SGK1: variants seen among roughly 807,000 people sequenced by gnomAD.
SGK1 encodes the protein serine/threonine-protein kinase Sgk1.
Under a neutral mutation model 64.2 loss-of-function variants are expected in SGK1, and 26 were observed. That is an observed-to-expected ratio of 0.40 (90% CI 0.30 to 0.56). The LOEUF (loss-of-function observed/expected upper bound fraction) is 0.56. SGK1 is among the 20% of genes least tolerant of loss of function. The pLI is 0.38. For missense variants in SGK1, 519 were observed against 645.6 expected, an observed-to-expected ratio of 0.80 and a Z score of 2.12; for synonymous variants, 265 against 239.7, an observed-to-expected ratio of 1.11 and a Z score of -0.98.
At chr6:134,197,225 C>G (rs752498370) in intron 3 of SGK1, among the ~76,000 whole-genome samples, 2 of 152,008 alleles carry the variant, frequency 1.3e-5, no homozygotes, top group Non-Finnish European at 2.9e-5. Flanking sequence ...AAAATAAGAC[C>G]CTGTCTCAAA....
Position 134,172,698 on chromosome 6 carries a change from G to A in SGK1, c.911C>T (p.Ala304Val). The A allele has an allele frequency of 1.2e-6, 2 of 1,613,542 alleles. No homozygotes were observed. Among genetic ancestry groups the A allele is most frequent in the Non-Finnish European group, 1.7e-6 (2 of 1,179,478 alleles). Reference protein sequence around the residue: ...ARFYAAEIASALGYLHSLNIV... With the variant: ...ARFYAAEIASVLGYLHSLNIV... ...GTTCAGTGAATGCAGGTAGCCCAAG[G>A]CACTGGCTATTTCAGCAGCATAGAA... The change falls in exon 9 of 14, where the codon GCC becomes GTC. Residue 304 changes from alanine (A) to valine (V), a missense_variant. Coordinates refer to ENST00000367858, the MANE Select transcript of SGK1 (RefSeq NM_001143676.3).
chr6:134,207,338 G>T lies in SGK1; in HGVS notation c.361+18C>A, dbSNP rs769027171. The T allele has an allele frequency of 3.3e-6, 5 of 1,533,674 alleles. No homozygotes were observed. The East Asian group carries it at 1.1e-4, about 34-fold the overall frequency. On this transcript the variant is annotated intron_variant, in intron 3 of 13. Transcript: ENST00000367858. ...TCCTGTACATAACAGGAAACAGGTT[G>T]TATTTTTCCAATAATACCTGGATCA...
At chr6:134,274,383 G>T (rs1776988558) in intron 1 of SGK1, among the ~76,000 whole-genome samples, 1 of 152,132 alleles carries the variant, frequency 6.6e-6, no homozygotes, top group Admixed American at 6.6e-5. Flanking sequence ...AGTCAGGAAT[G>T]GATTAGAAAA....
Position 134,188,114 on chromosome 6 carries a change from GTTTGGTATCCACAGAATGGGTCA to G in SGK1, c.362-13551_362-13529del, listed in dbSNP as rs371309799. ...GCAAGAGTAGTTGGGGAAAGGGGCT[GTTTGGTATCCACAGAATGGGTCA>G]TCTTATCCACTTGATTGTTAAAATA... On this transcript the variant is annotated intron_variant, in intron 3 of 13. Transcript: ENST00000367858. Among the ~76,000 whole-genome samples, 1,133 of 152,296 alleles carry G rather than the reference GTTTGGTATCCACAGAATGGGTCA, an allele frequency of 7.4e-3. 12 individuals carry two copies. The highest frequency in any genetic ancestry group is 0.026 in the African/African-American group (1,075 of 41,552).
chr6:134,184,129 G>A (rs1775381987), intron 3 of SGK1, among the ~76,000 whole-genome samples: 1 of 151,976 alleles, frequency 6.6e-6, no homozygotes, highest in Admixed American at 6.6e-5. Context: ...TGTCTTTGCT[G>A]TGCCCTTCAC....
intron 2 of SGK1, among the ~76,000 whole-genome samples, chr6:134,223,200 C>G (rs1463524186): frequency 6.6e-6 from 1 of 151,368 alleles, no homozygotes; most frequent in African/African-American, 2.4e-5. Context: ...GAAACCTCAT[C>G]TCTACTGAAA....
rs1562234898 is a variant in SGK1, at chr6:134,170,172, T to C, written c.*96A>G. 2 of 1,064,452 alleles carry C rather than the reference T, an allele frequency of 1.9e-6. No individual in the cohort carries two copies. The highest frequency in any genetic ancestry group is 2.7e-6 in the Non-Finnish European group (2 of 730,078). 65.9% of individuals were successfully genotyped at this position (1,064,452 alleles called of 1,614,324 possible). A position where few individuals can be genotyped will look rare whatever the true frequency, so the allele number is the denominator to read the frequency against. On this transcript the variant is annotated 3_prime_UTR_variant, in exon 14 of 14. Coordinates refer to ENST00000367858, the MANE Select transcript of SGK1 (RefSeq NM_001143676.3). ...GCTTCCAGAGATGTGCAAATTCTCTTGTAAGATGTCCTGTCAGCTGGCGGC... is the reference window on the plus strand; with the variant it reads ...GCTTCCAGAGATGTGCAAATTCTCTCGTAAGATGTCCTGTCAGCTGGCGGC...
intron 1 of SGK1, among the ~76,000 whole-genome samples, chr6:134,278,702 G>T (rs559649459): frequency 6.6e-6 from 1 of 152,214 alleles, no homozygotes; most frequent in East Asian, 1.9e-4. Flanking sequence ...CTAACAAAAA[G>T]ATATCTATGA....
At chr6:134,287,610 A>G (rs1203490693) in intron 1 of SGK1, among the ~76,000 whole-genome samples, 1 of 151,490 alleles carries the variant, frequency 6.6e-6, no homozygotes, top group Non-Finnish European at 1.5e-5. Flanking sequence ...TAATATTTTA[A>G]TAAGACTACT....
chr6:134,173,483 G>A lies in SGK1; in HGVS notation c.597C>T (p.Ile199=), dbSNP rs1015971626. The A allele has an allele frequency of 7.4e-6, 12 of 1,611,350 alleles. No homozygotes were observed. Among genetic ancestry groups the A allele is most frequent in the South Asian group, 3.3e-5 (3 of 90,426 alleles). Reference sequence around the variant, plus strand: ...TTACCTTTCCAAAACTGCCCTTTCCGATCACTTTCAAGAAGTGAAAGTCAG... The same window carrying A: ...TTACCTTTCCAAAACTGCCCTTTCCAATCACTTTCAAGAAGTGAAAGTCAG... ...KPSDFHFLKV[I]GKGSFGKVLL... Residue 199 remains isoleucine, a synonymous_variant, in exon 6 of 14, where the codon ATC becomes ATT. Transcript: ENST00000367858.
intron 1 of SGK1, among the ~76,000 whole-genome samples, chr6:134,309,610 T>C (rs1777582478): frequency 6.6e-6 from 1 of 152,154 alleles, no homozygotes; most frequent in African/African-American, 2.4e-5. Flanking sequence ...TGGATCTCTA[T>C]AGAGACACTG....
chr6:134,209,967 G>A (rs369744327), intron 2 of SGK1, among the ~76,000 whole-genome samples: 100 of 152,270 alleles, frequency 6.6e-4, no homozygotes, highest in Middle Eastern at 3.4e-3. Context: ...ATGAGCCACC[G>A]TGCCAGGCCT....
intron 5 of SGK1, chr6:134,173,769 CTT>C: frequency 1.7e-6 from 1 of 587,012 alleles, no homozygotes; most frequent in Non-Finnish European, 2.9e-6. Context: ...CAGATAAAAC[CTT>C]TTTATGAAAT....
intron 1 of SGK1, among the ~76,000 whole-genome samples, chr6:134,278,991 C>G (rs1315286918): frequency 6.6e-6 from 1 of 152,172 alleles, no homozygotes; most frequent in East Asian, 1.9e-4. Context: ...AGGACAGCTA[C>G]ATTTAAATAA....
At chr6:134,264,739 C>T (rs1776825070) in intron 1 of SGK1, among the ~76,000 whole-genome samples, 1 of 152,008 alleles carries the variant, frequency 6.6e-6, no homozygotes, top group Non-Finnish European at 1.5e-5. Context: ...ACCTCCTAGG[C>T]TCAAGCGATC....
intron 2 of SGK1, among the ~76,000 whole-genome samples, chr6:134,226,457 G>A (rs557816696): frequency 1.2e-4 from 18 of 151,654 alleles, no homozygotes; most frequent in Admixed American, 2.6e-4. Flanking sequence ...CTAACACTTT[G>A]GGAGGCCAAG....
At chr6:134,289,678 C>T (rs1777234691) in intron 1 of SGK1, among the ~76,000 whole-genome samples, 1 of 151,944 alleles carries the variant, frequency 6.6e-6, no homozygotes, top group Non-Finnish European at 1.5e-5. Flanking sequence ...AGACTAGCCA[C>T]AATTCAGGTG....
chr6:134,250,773 C>T (rs1315076464), intron 2 of SGK1, among the ~76,000 whole-genome samples: 1 of 151,896 alleles, frequency 6.6e-6, no homozygotes, highest in East Asian at 1.9e-4. Context: ...TTTTTTTTAA[C>T]CCTTAAACAT....
At chr6:134,215,252 A>C (rs1374000226) in intron 2 of SGK1, among the ~76,000 whole-genome samples, 4 of 150,270 alleles carry the variant, frequency 2.7e-5, no homozygotes, top group Non-Finnish European at 5.9e-5. Flanking sequence ...AGTAGCTGGG[A>C]TTATAGGCGC....
Sources: gnomAD v4.1 joint callset for allele counts (sites outside exome capture counted in the v4.1 genomes callset) on GRCh38, gnomAD v4.1.1 for gene constraint, MANE v1.5 for transcripts, NCBI Gene and HGNC (gene_info 2026-07-23, HGNC 2026-07-21) for gene names.